The following MPDZ variants were observed in gnomAD, a reference collection of about 807,000 sequenced individuals.
The protein encoded by MPDZ is multiple PDZ domain crumbs cell polarity complex component, also known as multiple PDZ domain protein.
MPDZ carries 234 observed loss-of-function variants against 239.1 expected under a neutral mutation model. The ratio of observed to expected loss-of-function variants is 0.98; its 90% CI spans 0.88 to 1.09. MPDZ has a LOEUF of 1.09. Among genes scored for constraint, MPDZ ranks in the 50% least tolerant of loss-of-function variants. The pLI is 0.00. For synonymous variants in MPDZ, 1,048 were observed against 881.3 expected, an observed-to-expected ratio of 1.19 and a Z score of -3.35; for missense variants, 3,175 against 2,510.0, an observed-to-expected ratio of 1.26 and a Z score of -5.66.
chr9:13,109,889 A>T, intron 45 of MPDZ, 63 bp downstream of exon 45: 1 of 1,292,662 alleles, frequency 7.7e-7, no homozygotes, highest in South Asian at 1.2e-5. Flanking sequence ...AGAGAACGCA[A>T]CTGTCAGGAA....
intron 12 of MPDZ, among the ~76,000 whole-genome samples, chr9:13,199,536 T>G (rs557992460): frequency 6.6e-6 from 1 of 151,982 alleles, no homozygotes; most frequent in Non-Finnish European, 1.5e-5. Context: ...GCAGTACTTA[T>G]GTTGAAAAAA....
intron 3 of MPDZ, among the ~76,000 whole-genome samples, chr9:13,237,994 G>T (rs1964508631): frequency 2.0e-5 from 3 of 152,158 alleles, no homozygotes; most frequent in African/African-American, 7.2e-5. Flanking sequence ...AATACTTATT[G>T]ATTTGGTTTC....
chr9:13,121,592 T>C (rs1367786571), intron 38 of MPDZ, 147 bp downstream of exon 38: 1 of 797,422 alleles, frequency 1.3e-6, no homozygotes, highest in Non-Finnish European at 2.0e-6. Context: ...CAATGTCTTT[T>C]TATGGTTCCT....
chr9:13,169,505 T>G (rs1951514026), intron 21 of MPDZ, among the ~76,000 whole-genome samples: 2 of 152,138 alleles, frequency 1.3e-5, no homozygotes. Flanking sequence ...TGAATCCATT[T>G]ACCTTTTTCC....
intron 27 of MPDZ, among the ~76,000 whole-genome samples, chr9:13,142,024 T>C (rs1947772142): frequency 6.6e-6 from 1 of 152,134 alleles, no homozygotes; most frequent in South Asian, 2.1e-4. Flanking sequence ...ATTATCATAG[T>C]AAAGAGGAGC....
chr9:13,132,879 G>C (rs1490932616), intron 32 of MPDZ, among the ~76,000 whole-genome samples: 1 of 152,094 alleles, frequency 6.6e-6, no homozygotes. Context: ...AATCACTACA[G>C]TATGTTGCCC....
intron 1 of MPDZ, among the ~76,000 whole-genome samples, chr9:13,264,876 C>G (rs1255021983): frequency 6.6e-6 from 1 of 152,182 alleles, no homozygotes; most frequent in Non-Finnish European, 1.5e-5. Flanking sequence ...CTCTTCTGTT[C>G]TCTCACTCCT....
At chr9:13,206,245 C>A in intron 10 of MPDZ, 146 bp from the exon 11 acceptor site, 1 of 716,740 alleles carries the variant, frequency 1.4e-6, no homozygotes, top group Non-Finnish European at 2.2e-6. Context: ...ACAGTAAGAC[C>A]CTAATATCTC....
intron 27 of MPDZ, among the ~76,000 whole-genome samples, chr9:13,141,309 G>C (rs556391742): frequency 2.6e-5 from 4 of 152,192 alleles, no homozygotes; most frequent in African/African-American, 9.6e-5. Flanking sequence ...TACAAGAAAT[G>C]AAAGTTTTTG....
chr9:13,119,439 C>T (rs1490522288), intron 39 of MPDZ, 63 bp downstream of exon 39: 1 of 1,532,028 alleles, frequency 6.5e-7, no homozygotes, highest in Non-Finnish European at 8.8e-7. Context: ...TATGATAGCC[C>T]AATGTTAAAA....
rs1470295862 is a variant in MPDZ at position 13,196,144 on chromosome 9, T to C, written c.1633A>G (p.Met545Val). The C allele has an allele frequency of 6.2e-7, 1 of 1,601,062 alleles. No homozygotes were observed. Among genetic ancestry groups the C allele is most frequent in the Non-Finnish European group, 8.5e-7 (1 of 1,172,576 alleles). ...ACCACTATTTCATAGTTAATTCCCA[T>C]AATCCTTTGCCATTTTGTCAGCAGA... ...AALLTKWQRI[M>V]GINYEIVVAH... is the part of the protein sequence containing the mutation. Residue 545 changes from methionine (M) to valine (V), a missense_variant, in exon 13 of 47, where the codon ATG becomes GTG. Coordinates refer to ENST00000319217, the MANE Select transcript of MPDZ (RefSeq NM_001378778.1).
intron 21 of MPDZ, among the ~76,000 whole-genome samples, chr9:13,173,699 T>C (rs1195840910): frequency 6.8e-6 from 1 of 146,674 alleles, no homozygotes; most frequent in African/African-American, 2.5e-5. Context: ...AGCGAAACTC[T>C]CTCTCAAAAA....
chr9:13,179,337 T>A (rs992147306), intron 19 of MPDZ, among the ~76,000 whole-genome samples: 7 of 152,120 alleles, frequency 4.6e-5, no homozygotes, highest in Admixed American at 1.3e-4. Context: ...AATTAGTAAA[T>A]CATCTCCCCC....
intron 2 of MPDZ, among the ~76,000 whole-genome samples, chr9:13,248,418 G>A (rs1453555738): frequency 3.3e-5 from 5 of 151,966 alleles, no homozygotes; most frequent in Non-Finnish European, 7.4e-5. Flanking sequence ...CAGACACAAA[G>A]TTGCTAAAAG....
At chr9:13,211,448 T>C (rs1957608877) in intron 10 of MPDZ, among the ~76,000 whole-genome samples, 1 of 152,144 alleles carries the variant, frequency 6.6e-6, no homozygotes, top group African/African-American at 2.4e-5. Flanking sequence ...TAAAACATTC[T>C]CTTTCTGTAA....
chr9:13,143,585 C>T lies in MPDZ; in HGVS notation c.3742-21G>A, dbSNP rs138701801. On this transcript the variant is annotated intron_variant, in intron 26 of 46. Coordinates refer to ENST00000319217, the MANE Select transcript of MPDZ (RefSeq NM_001378778.1). ...GATTTCTAAAAGGAAACATAAGAGGCGCTGAACGCAAAGGAAATGTATTGA... is the reference window on the plus strand; with the variant it reads ...GATTTCTAAAAGGAAACATAAGAGGTGCTGAACGCAAAGGAAATGTATTGA... The T allele has an allele frequency of 4.8e-5, 76 of 1,581,900 alleles. No homozygotes were observed. In the African/African-American group the frequency reaches 7.4e-4, roughly 15 times the overall value.
chr9:13,125,222 T>A lies in MPDZ; in HGVS notation c.4801A>T (p.Ile1601Phe). The A allele has an allele frequency of 1.3e-6, 2 of 1,593,458 alleles. No homozygotes were observed. Among genetic ancestry groups the A allele is most frequent in the Non-Finnish European group, 1.7e-6 (2 of 1,167,276 alleles). ...ATGAGTCCAGAGGCCTTACTTCGGATGGACTCCGGTTCTGGGGAGCCAGAC... is the reference window on the plus strand; with the variant it reads ...ATGAGTCCAGAGGCCTTACTTCGGAAGGACTCCGGTTCTGGGGAGCCAGAC... ...PQSGSPEPES[I>F]RNTSRSSTPA... The change falls in exon 35 of 47, where the codon ATC (isoleucine) becomes TTC (phenylalanine). Residue 1601 changes from isoleucine to phenylalanine, a missense_variant. Physicochemically the swap from Ile to Phe is conservative, Grantham distance 21. Coordinates refer to ENST00000319217, the MANE Select transcript of MPDZ (RefSeq NM_001378778.1).
intron 22 of MPDZ, among the ~76,000 whole-genome samples, chr9:13,164,819 A>G (rs1950880024): frequency 6.6e-6 from 1 of 152,170 alleles, no homozygotes; most frequent in African/African-American, 2.4e-5. Flanking sequence ...CCACAATGCA[A>G]CAGAACATGC....
chr9:13,249,122 A>G (rs1588109553), intron 2 of MPDZ, among the ~76,000 whole-genome samples: 1 of 151,408 alleles, frequency 6.6e-6, no homozygotes, highest in South Asian at 2.1e-4. Flanking sequence ...ACACACACAC[A>G]CACACACACA....
Sources: gnomAD v4.1 joint callset for allele counts (sites outside exome capture counted in the v4.1 genomes callset) on GRCh38, gnomAD v4.1.1 for gene constraint, MANE v1.5 for transcripts, NCBI Gene and HGNC (gene_info 2026-07-23, HGNC 2026-07-21) for gene names.